The following HECTD2 variants were observed in gnomAD, a reference collection of about 807,000 sequenced individuals.
HECTD2 encodes probable E3 ubiquitin-protein ligase HECTD2.
In HECTD2, 35 loss-of-function variants were observed where a neutral mutation model predicts 103.2. The ratio of observed to expected loss-of-function variants is 0.34; its 90% CI spans 0.26 to 0.45. HECTD2 has a LOEUF of 0.45. Among genes scored for constraint, HECTD2 ranks in the 20% least tolerant of loss-of-function variants. The probability of loss-of-function intolerance (pLI) is 1.00; values close to 1 mark genes in which losing one functional copy is unlikely to be tolerated. For synonymous variants in HECTD2, 281 were observed against 329.9 expected, an observed-to-expected ratio of 0.85 and a Z score of 1.61; for missense variants, 596 against 937.4, an observed-to-expected ratio of 0.64 and a Z score of 4.76.
rs774930650 is a variant in HECTD2 at position 91,493,523 on chromosome 10, T to C, written c.1521+15T>C. On this transcript the variant is annotated intron_variant, in intron 14 of 20. Transcript: ENST00000298068. ...TGGTTGGAATTGTATCCTTTAAACT[T>C]TCCACTAGGAGGTGCTAATAGATTA... 1 of 1,350,526 alleles carries C rather than the reference T, an allele frequency of 7.4e-7. No individual in the cohort carries two copies. Among genetic ancestry groups the C allele is most frequent in the South Asian group, 1.4e-5 (1 of 73,388 alleles). The allele number at this position is 1,350,526 out of a possible 1,614,324, so 83.7% of individuals were successfully genotyped here. A position where few individuals can be genotyped will look rare whatever the true frequency, so the allele number is the denominator to read the frequency against.
intron 6 of HECTD2, 83 bp from the exon 7 acceptor site, chr10:91,481,011 T>G: frequency 1.2e-6 from 1 of 822,848 alleles, no homozygotes; most frequent in Non-Finnish European, 2.0e-6. Context: ...TCAGTCTTCA[T>G]AGAAAAGTTT....
intron 20 of HECTD2, among the ~76,000 whole-genome samples, chr10:91,511,487 A>G (rs1446386402): frequency 6.6e-6 from 1 of 152,116 alleles, no homozygotes; most frequent in East Asian, 1.9e-4. Flanking sequence ...CTTTTTAACC[A>G]TCAGTCCTCA....
chr10:91,506,587 C>A lies in HECTD2; in HGVS notation c.2210+5253C>A, dbSNP rs1461089040. ...AGACTAAACCAGGAAGAAGTTGAAT[C>A]TCTGAATAGACCAATAACAGGATCT... is the stretch of plus-strand genomic sequence containing the variant. On this transcript the variant is annotated intron_variant, in intron 20 of 20. Coordinates refer to ENST00000298068, the MANE Select transcript of HECTD2 (RefSeq NM_182765.6). 2.6e-5 allele frequency among the ~76,000 whole-genome samples: 4 copies of A among 152,100 alleles called. No homozygotes were observed. In the East Asian group the frequency reaches 7.7e-4, roughly 29 times the overall value.
At chr10:91,437,169 T>A (rs7908769) in intron 2 of HECTD2, among the ~76,000 whole-genome samples, 1 of 151,914 alleles carries the variant, frequency 6.6e-6, no homozygotes, top group Non-Finnish European at 1.5e-5. Context: ...TTCACAAATA[T>A]GTAATTTGTG....
At chr10:91,423,744 C>A (rs560944405) in intron 1 of HECTD2, among the ~76,000 whole-genome samples, 5 of 152,162 alleles carry the variant, frequency 3.3e-5, no homozygotes, top group African/African-American at 1.2e-4. Context: ...TCTCTTTGGG[C>A]TCTTTTATAT....
intron 5 of HECTD2, chr10:91,462,749 T>C: frequency 1.0e-6 from 1 of 985,786 alleles, no homozygotes; most frequent in Non-Finnish European, 1.2e-6. Flanking sequence ...TCTCCAGAAG[T>C]TTAGCTATGA....
intron 12 of HECTD2, among the ~76,000 whole-genome samples, chr10:91,491,744 T>C (rs1246910888): frequency 6.6e-6 from 1 of 152,232 alleles, no homozygotes; most frequent in African/African-American, 2.4e-5. Flanking sequence ...TCTAACATAC[T>C]TTGATTGCAT....
At chr10:91,444,361 A>G (rs2133123269) in intron 2 of HECTD2, among the ~76,000 whole-genome samples, 1 of 152,338 alleles carries the variant, frequency 6.6e-6, no homozygotes, top group Admixed American at 6.5e-5. Context: ...AGATTCTTAC[A>G]TAAGAGAAAT....
chr10:91,481,516 T>C (rs946063710), intron 7 of HECTD2, among the ~76,000 whole-genome samples: 2 of 151,628 alleles, frequency 1.3e-5, no homozygotes, highest in Non-Finnish European at 3.0e-5. Context: ...CAGGATTTTC[T>C]TTTATTTTCC....
At chr10:91,490,840 G>A (rs908778897) in intron 11 of HECTD2, among the ~76,000 whole-genome samples, 3 of 144,180 alleles carry the variant, frequency 2.1e-5, no homozygotes, top group Admixed American at 7.0e-5. Flanking sequence ...GCAGTGAGCC[G>A]GGATAGCGCC....
intron 1 of HECTD2, among the ~76,000 whole-genome samples, chr10:91,414,021 T>C (rs1843022870): frequency 6.6e-6 from 1 of 152,192 alleles, no homozygotes; most frequent in Admixed American, 6.5e-5. Flanking sequence ...ACTGATGTAT[T>C]ACACATGTTT....
chr10:91,480,487 C>T (rs943720575), intron 6 of HECTD2, among the ~76,000 whole-genome samples: 5 of 151,794 alleles, frequency 3.3e-5, no homozygotes, highest in South Asian at 2.1e-4. Flanking sequence ...GAAGTTACTT[C>T]CAGATATCTG....
intron 2 of HECTD2, among the ~76,000 whole-genome samples, chr10:91,439,135 T>A (rs1251766513): frequency 6.6e-6 from 1 of 152,144 alleles, no homozygotes; most frequent in Non-Finnish European, 1.5e-5. Context: ...GATGTTTTAG[T>A]CATCAAGTCT....
chr10:91,499,793 T>C (rs1241034306), intron 18 of HECTD2, among the ~76,000 whole-genome samples: 1 of 152,168 alleles, frequency 6.6e-6, no homozygotes, highest in Non-Finnish European at 1.5e-5. Context: ...AGATCTTTCA[T>C]TTGAATTATT....
chr10:91,459,102 G>A (rs1845233605), intron 2 of HECTD2, among the ~76,000 whole-genome samples: 2 of 151,888 alleles, frequency 1.3e-5, no homozygotes, highest in Admixed American at 1.3e-4. Context: ...ATATATGGAT[G>A]GAAAATAAGC....
In HECTD2 at chr10:91,496,129, T is replaced by C. The variant is rs1846654018; in HGVS notation, c.1522-85T>C. 2.2e-5 allele frequency: 18 copies of C among 821,524 alleles called. No homozygotes were observed. The South Asian group carries it at 4.1e-4, about 19-fold the overall frequency. The allele number at this position is 821,524 out of a possible 1,614,324, so 50.9% of individuals were successfully genotyped here. ...AAGTCAGTGTTAAATCTGAAAGAAG[T>C]ATGCAAAAAATAGACTGATGCATAA... On this transcript the variant is annotated intron_variant, in intron 14 of 20. Transcript: ENST00000298068.
At chr10:91,486,866 A>G (rs905133797) in intron 10 of HECTD2, 1 of 151,822 alleles carries the variant, frequency 6.6e-6, no homozygotes, top group African/African-American at 2.4e-5. Context: ...GGCTATATCC[A>G]TTTTCCTAAT....
intron 11 of HECTD2, chr10:91,488,780 C>A (rs1463759372): frequency 6.6e-6 from 1 of 152,032 alleles, no homozygotes; most frequent in East Asian, 1.9e-4. Flanking sequence ...CCAAAGTCAT[C>A]TTATACTGAA....
At chr10:91,451,236 C>G (rs1435559210) in intron 2 of HECTD2, among the ~76,000 whole-genome samples, 1 of 152,046 alleles carries the variant, frequency 6.6e-6, no homozygotes, top group African/African-American at 2.4e-5. Context: ...ATGGACGAAG[C>G]TGGAAAGCAT....
Sources: gnomAD v4.1 joint callset for allele counts (sites outside exome capture counted in the v4.1 genomes callset) on GRCh38, gnomAD v4.1.1 for gene constraint, MANE v1.5 for transcripts, NCBI Gene and HGNC (gene_info 2026-07-23, HGNC 2026-07-21) for gene names.